The following PCM1 variants were observed in gnomAD, a reference collection of about 807,000 sequenced individuals.
PCM1 encodes pericentriolar material 1 protein.
In PCM1, 157 loss-of-function variants were observed where a neutral mutation model predicts 241.9. The ratio of observed to expected loss-of-function variants is 0.65; its 90% confidence interval spans 0.57 to 0.74. The LOEUF (loss-of-function observed/expected upper bound fraction) is 0.74, where lower values mean the gene tolerates loss of function less well. PCM1 is among the 30% of genes least tolerant of loss of function. PCM1 has a pLI of 0.00. For synonymous variants in PCM1, 1,085 were observed against 784.9 expected (o/e 1.38, Z -6.39); for missense variants, 3,478 against 2,360.1 (o/e 1.47, Z -9.81).
chr8:18,023,088 A>G lies in PCM1; in HGVS notation c.5842-2273A>G, dbSNP rs184825681. ...AACCATGACAATCACATCATTCCCA[A>G]TTGGTGGGTAATAGGATCTCCTTTG... On this transcript the variant is annotated intron_variant, in intron 36 of 38. Coordinates refer to ENST00000325083, the MANE Select transcript of PCM1 (RefSeq NM_006197.4). Among the ~76,000 whole-genome samples, 50 of 152,298 alleles carry G rather than the reference A, an allele frequency of 3.3e-4. No homozygotes were observed. In the East Asian group the frequency reaches 7.1e-3, roughly 22 times the overall value.
In PCM1 at chr8:17,947,317, T is replaced by C. The variant is rs763634254; in HGVS notation, c.915T>C (p.Ala305=). The C allele has an allele frequency of 6.2e-7, 1 of 1,612,300 alleles. No individual in the cohort carries two copies. Among genetic ancestry groups the C allele is most frequent in the Non-Finnish European group, 8.5e-7 (1 of 1,179,074 alleles). The change falls in exon 7 of 39, where the codon GCT becomes GCC. Residue 305 remains alanine (A), a synonymous_variant. Coordinates refer to ENST00000325083, the MANE Select transcript of PCM1 (RefSeq NM_006197.4). ...AGGGACGGCAGGCTGCACTTCTAGC[T>C]CTGCAACATAAAGCAGAGCAAGCTA... is the stretch of plus-strand genomic sequence containing the variant. ...ALQGRQAALL[A]LQHKAEQAIA...
intron 30 of PCM1, among the ~76,000 whole-genome samples, chr8:18,009,073 A>G (rs538816669): frequency 6.6e-6 from 1 of 151,496 alleles, no homozygotes; most frequent in African/African-American, 2.4e-5. Context: ...CTATATATCA[A>G]CTTGAATAGA....
chr8:17,961,512 C>T (rs1307578890), intron 15 of PCM1, among the ~76,000 whole-genome samples: 4 of 151,988 alleles, frequency 2.6e-5, no homozygotes, highest in South Asian at 4.2e-4. Context: ...GGGGTTTCAC[C>T]GTGTTAGCCA....
intron 6 of PCM1, 58 bp downstream of exon 6, chr8:17,939,919 AC>A (rs1247935171): frequency 8.6e-7 from 1 of 1,156,742 alleles, no homozygotes; most frequent in African/African-American, 1.5e-5. Flanking sequence ...GTGTGTATTT[AC>A]TGATGACATT....
intron 21 of PCM1, 33 bp from the exon 22 acceptor site, chr8:17,969,544 A>G (rs748120565): frequency 5.6e-6 from 8 of 1,434,668 alleles, no homozygotes; most frequent in South Asian, 1.3e-5. Flanking sequence ...ACATTTATTT[A>G]TTTTTCTCTT....
intron 1 of PCM1, among the ~76,000 whole-genome samples, chr8:17,923,596 GC>G (rs1378482153): frequency 6.6e-6 from 1 of 152,008 alleles, no homozygotes; most frequent in African/African-American, 2.4e-5. Flanking sequence ...GGCCTTGGTG[GC>G]CATAGTTCTT....
At chr8:17,995,952 G>T (rs1423214178) in intron 29 of PCM1, among the ~76,000 whole-genome samples, 1 of 152,076 alleles carries the variant, frequency 6.6e-6, no homozygotes, top group East Asian at 1.9e-4. Flanking sequence ...GCTTTTCCAA[G>T]TATAAGATTA....
chr8:18,004,282 A>G (rs1480882579), intron 29 of PCM1, among the ~76,000 whole-genome samples: 1 of 152,196 alleles, frequency 6.6e-6, no homozygotes, highest in African/African-American at 2.4e-5. Flanking sequence ...TACATTTTTT[A>G]AAGTGATTTT....
chr8:17,965,145 G>T (rs1375465397), intron 18 of PCM1, among the ~76,000 whole-genome samples: 1 of 152,178 alleles, frequency 6.6e-6, no homozygotes, highest in Non-Finnish European at 1.5e-5. Context: ...AATGGAAGAG[G>T]TGTGTTAGGA....
chr8:17,968,414 G>T (rs1275899760), intron 21 of PCM1, among the ~76,000 whole-genome samples: 1 of 152,186 alleles, frequency 6.6e-6, no homozygotes, highest in Non-Finnish European at 1.5e-5. Context: ...TGAAGATTTA[G>T]CTGGTGAACA....
intron 26 of PCM1, 62 bp from the exon 27 acceptor site, chr8:17,989,797 A>G: frequency 8.7e-7 from 1 of 1,142,916 alleles, no homozygotes; most frequent in Non-Finnish European, 1.2e-6. Context: ...TATCTCTGTT[A>G]GATTATTAAT....
intron 36 of PCM1, among the ~76,000 whole-genome samples, chr8:18,018,971 A>C (rs1263190463): frequency 6.7e-6 from 1 of 150,346 alleles, no homozygotes; most frequent in African/African-American, 2.4e-5. Context: ...TAAACATACA[A>C]TAAATTGTCA....
chr8:17,983,189 C>G (rs1271556017), intron 24 of PCM1: 7 of 1,045,654 alleles, frequency 6.7e-6, no homozygotes, highest in Non-Finnish European at 9.1e-6. Context: ...CTTTACTACT[C>G]ATACACATTT....
At chr8:17,935,094 C>T (rs1396274987) in intron 2 of PCM1, among the ~76,000 whole-genome samples, 1 of 152,140 alleles carries the variant, frequency 6.6e-6, no homozygotes, top group East Asian at 1.9e-4. Flanking sequence ...GCTATTGTAC[C>T]TTCCTGTTAA....
chr8:18,016,826 T>C (rs1396235564), intron 36 of PCM1, among the ~76,000 whole-genome samples: 2 of 152,242 alleles, frequency 1.3e-5, no homozygotes, highest in African/African-American at 2.4e-5. Context: ...GTTAGGCTAA[T>C]GCTTTGCTTA....
chr8:17,978,569 G>A (rs1232234559), intron 23 of PCM1, among the ~76,000 whole-genome samples: 1 of 151,968 alleles, frequency 6.6e-6, no homozygotes, highest in Non-Finnish European at 1.5e-5. Flanking sequence ...GTGGAATGAC[G>A]CTACACAGTT....
At chr8:18,002,164 G>A (rs1372984602) in intron 29 of PCM1, among the ~76,000 whole-genome samples, 2 of 37,186 alleles carry the variant, frequency 5.4e-5, no homozygotes, top group Non-Finnish European at 4.5e-5. Context: ...ATGCTGGTGC[G>A]CTGCACCCAC....
At chr8:18,007,078 A>C (rs980605473) in intron 30 of PCM1, among the ~76,000 whole-genome samples, 2 of 152,214 alleles carry the variant, frequency 1.3e-5, no homozygotes, top group African/African-American at 4.8e-5. Context: ...TGTTAGTGTT[A>C]ATAAAATTAC....
chr8:18,020,786 C>T (rs1157836308), intron 36 of PCM1, among the ~76,000 whole-genome samples: 1 of 152,126 alleles, frequency 6.6e-6, no homozygotes, highest in Non-Finnish European at 1.5e-5. Context: ...AATCATTTTC[C>T]ATTTATACAG....
Sources: gnomAD v4.1 joint callset for allele counts (sites outside exome capture counted in the v4.1 genomes callset) on GRCh38, gnomAD v4.1.1 for gene constraint, MANE v1.5 for transcripts, NCBI Gene and HGNC (gene_info 2026-07-23, HGNC 2026-07-21) for gene names.